Variants in FMN1 observed in about 807,000 individuals in gnomAD.
FMN1 encodes formin-1.
FMN1 carries 110 observed loss-of-function variants against 132.4 expected under a neutral mutation model. That is an observed-to-expected ratio of 0.83 (90% CI 0.71 to 0.97). The LOEUF (loss-of-function observed/expected upper bound fraction) is 0.97. Ranked by LOEUF, FMN1 falls within the 50% of genes least tolerant of loss-of-function variation. The probability of loss-of-function intolerance (pLI) is 0.00; values close to 1 mark genes in which losing one functional copy is unlikely to be tolerated. For synonymous variants in FMN1, 722 were observed against 651.7 expected, an observed-to-expected ratio of 1.11 and a Z score of -1.64; for missense variants, 1,792 against 1,705.3, an observed-to-expected ratio of 1.05 and a Z score of -0.90.
intron 9 of FMN1, among the ~76,000 whole-genome samples, chr15:32,945,621 A>C (rs2061493602): frequency 1.3e-5 from 2 of 152,212 alleles, no homozygotes; most frequent in South Asian, 2.1e-4. Context: ...AATGGGCAAC[A>C]GAAAAGTTAT....
intron 7 of FMN1, among the ~76,000 whole-genome samples, chr15:32,993,126 C>T (rs1596416853): frequency 6.6e-6 from 1 of 151,832 alleles, no homozygotes; most frequent in Non-Finnish European, 1.5e-5. Context: ...CCTGCTGAGG[C>T]CCCAGTGAAC....
chr15:33,124,904 G>A lies in FMN1; in HGVS notation c.1867+28144C>T, dbSNP rs16965303. On this transcript the variant is annotated intron_variant, in intron 4 of 20. Coordinates refer to ENST00000616417, the MANE Select transcript of FMN1 (RefSeq NM_001277313.2). The stretch of plus-strand genomic sequence containing the variant: ...ATCATAGAGCCTTGTTTGGCACAAG[G>A]GCAAATGTTAAAGATACTATGTGCC... Among the ~76,000 whole-genome samples the A allele has an allele frequency of 6.6e-3, 1,003 of 151,572 alleles. 11 individuals carry two copies. Among genetic ancestry groups the A allele is most frequent in the African/African-American group, 0.023 (933 of 41,296 alleles).
intron 4 of FMN1, chr15:33,151,320 A>T: frequency 2.6e-6 from 4 of 1,536,486 alleles, no homozygotes; most frequent in Non-Finnish European, 2.6e-6. Context: ...GAAGCACAGG[A>T]GATGCTTACA....
chr15:32,855,774 G>A (rs975173175), intron 17 of FMN1, among the ~76,000 whole-genome samples: 8 of 152,124 alleles, frequency 5.3e-5, no homozygotes, highest in Admixed American at 2.0e-4. Context: ...GTCAGCAAAG[G>A]GAAGTAGTTC....
intron 3 of FMN1, among the ~76,000 whole-genome samples, chr15:33,156,347 C>T (rs1200838247): frequency 7.3e-6 from 1 of 137,736 alleles, no homozygotes; most frequent in Non-Finnish European, 1.5e-5. Context: ...GTGGTGCAAA[C>T]ATGGCTCACT....
chr15:33,172,077 G>T (rs1180130874), intron 3 of FMN1, among the ~76,000 whole-genome samples: 2 of 151,996 alleles, frequency 1.3e-5, no homozygotes, highest in African/African-American at 2.4e-5. Context: ...GCGTGGTGGC[G>T]GGCGCCTGTG....
In FMN1 at chr15:32,766,211, G is replaced by C. The variant is rs557364664; in HGVS notation, c.*8099C>G. On this transcript the variant is annotated 3_prime_UTR_variant, in exon 21 of 21. Coordinates refer to ENST00000616417, the MANE Select transcript of FMN1 (RefSeq NM_001277313.2). ...TTAGGACATGCTTGCACTTTTAAGT[G>C]CTTTCAAGAGTGTAGCAGTTACTGT... The C allele has an allele frequency of 6.6e-5, 10 of 152,306 alleles. No homozygotes were observed. The highest frequency in any genetic ancestry group is 1.3e-4 in the Non-Finnish European group (9 of 68,028). 9.4% of individuals were successfully genotyped at this position (152,306 alleles called of 1,614,324 possible). A position where few individuals can be genotyped will look rare whatever the true frequency, so the allele number is the denominator to read the frequency against.
intron 19 of FMN1, among the ~76,000 whole-genome samples, chr15:32,789,576 C>T (rs1300061375): frequency 6.6e-6 from 1 of 152,058 alleles, no homozygotes; most frequent in Admixed American, 6.5e-5. Context: ...TCATAGCCAC[C>T]ATAATGTTGT....
intron 6 of FMN1, chr15:33,063,652 C>T (rs546151821): frequency 7.1e-4 from 108 of 152,200 alleles, no homozygotes; most frequent in African/African-American, 2.5e-3. Context: ...AAGTTAAGTG[C>T]GTTTGGACTA....
intron 4 of FMN1, among the ~76,000 whole-genome samples, chr15:33,122,505 A>ATACCT (rs1432884379): frequency 6.6e-6 from 1 of 152,216 alleles, no homozygotes; most frequent in Admixed American, 6.5e-5. Context: ...CATTTCATGT[A>ATACCT]TACCTTCTAG....
At chr15:32,802,589 C>A (rs552986261) in intron 18 of FMN1, among the ~76,000 whole-genome samples, 1 of 152,288 alleles carries the variant, frequency 6.6e-6, no homozygotes, top group Non-Finnish European at 1.5e-5. Flanking sequence ...CACAAAGCCA[C>A]GGAAAACGCT....
intron 17 of FMN1, among the ~76,000 whole-genome samples, chr15:32,826,541 C>T (rs56064734): frequency 0.2 from 30,599 of 152,132 alleles, 3,480 homozygotes; most frequent in East Asian, 0.52. Context: ...AATCAAAGGA[C>T]CCCAGGGAAG....
At chr15:32,920,456 T>A (rs11635920) in intron 10 of FMN1, among the ~76,000 whole-genome samples, 50,900 of 152,024 alleles carry the variant, frequency 0.33, 8,848 homozygotes, top group Non-Finnish European at 0.36. Flanking sequence ...TCAGCCAGCA[T>A]ATGGATTTGG....
chr15:33,047,637 TGTTAGCTGATGATTTTGA>T (rs1172339211), intron 6 of FMN1, among the ~76,000 whole-genome samples: 1 of 152,120 alleles, frequency 6.6e-6, no homozygotes, highest in Non-Finnish European at 1.5e-5. Context: ...TTTTGCATGG[TGTTAGCTGATGATTTTGA>T]GTTATCAAGG....
intron 17 of FMN1, among the ~76,000 whole-genome samples, chr15:32,835,864 TA>T: frequency 6.6e-6 from 1 of 152,222 alleles, no homozygotes; most frequent in Admixed American, 6.5e-5. Flanking sequence ...TTTATTTTAT[TA>T]TTATTATTTT....
rs138946863 is a variant in FMN1, at chr15:32,865,073, G to A, written c.3836-7966C>T. The stretch of plus-strand genomic sequence containing the variant: ...GTAGGCAAATCTATAGAGACAAAGC[G>A]GATTAGTAGTGGCTGAGGACTAGGA... On this transcript the variant is annotated intron_variant, in intron 16 of 20. Coordinates refer to ENST00000616417, the MANE Select transcript of FMN1 (RefSeq NM_001277313.2). 6.2e-3 allele frequency among the ~76,000 whole-genome samples: 947 copies of A among 152,204 alleles called. 10 individuals carry two copies. The highest frequency in any genetic ancestry group is 0.022 in the African/African-American group (893 of 41,524).
intron 13 of FMN1, among the ~76,000 whole-genome samples, chr15:32,900,891 C>G (rs1292342664): frequency 1.3e-5 from 2 of 152,108 alleles, no homozygotes; most frequent in African/African-American, 4.8e-5. Flanking sequence ...CGGTGGCTCA[C>G]GCCTGTAATC....
intron 4 of FMN1, among the ~76,000 whole-genome samples, chr15:33,125,556 T>C (rs1383441547): frequency 6.6e-6 from 1 of 152,106 alleles, no homozygotes; most frequent in Non-Finnish European, 1.5e-5. Context: ...AAATTCAGAA[T>C]AGGTGGGGCA....
chr15:32,939,270 C>T (rs543425482), intron 9 of FMN1, among the ~76,000 whole-genome samples: 2 of 152,294 alleles, frequency 1.3e-5, no homozygotes, highest in East Asian at 3.9e-4. Flanking sequence ...TACGGTAATT[C>T]ATTTTTTATG....
Sources: gnomAD v4.1 joint callset for allele counts (sites outside exome capture counted in the v4.1 genomes callset) on GRCh38, gnomAD v4.1.1 for gene constraint, MANE v1.5 for transcripts, NCBI Gene and HGNC (gene_info 2026-07-23, HGNC 2026-07-21) for gene names.